The following DNAJC5 variants were observed in gnomAD, a reference collection of about 807,000 sequenced individuals.
The protein encoded by DNAJC5 is dnaJ homolog subfamily C member 5.
Under a neutral mutation model 23.2 loss-of-function variants are expected in DNAJC5, and 1 was observed. That is an observed-to-expected ratio of 0.04 (90% CI 0.02 to 0.20). The LOEUF (loss-of-function observed/expected upper bound fraction) is 0.20, where lower values mean the gene tolerates loss of function less well. Ranked by LOEUF, DNAJC5 falls within the 10% of genes least tolerant of loss-of-function variation. The probability of loss-of-function intolerance (pLI) is 1.00; values close to 1 mark genes in which losing one functional copy is unlikely to be tolerated. For missense variants in DNAJC5, 180 were observed against 267.0 expected (o/e 0.67, Z 2.27); for synonymous variants, 136 against 120.0 (o/e 1.13, Z -0.87).
rs1324656149 is a variant in DNAJC5, at chr20:63,895,146, C to CTCCGCTGCCGCT, written c.-188_-177dup. ...CGGGTGCGTGCGTGAGCGTGCTCGT[C>CTCCGCTGCCGCT]TCCGCTGCCGCTGCCGCTGCCGCTG... On this transcript the variant is annotated 5_prime_UTR_variant, in exon 1 of 5. Transcript: ENST00000360864. 1 of 152,634 alleles carries CTCCGCTGCCGCT rather than the reference C, an allele frequency of 6.6e-6. No homozygotes were observed. Among genetic ancestry groups the CTCCGCTGCCGCT allele is most frequent in the Non-Finnish European group, 1.4e-5 (1 of 69,026 alleles). 9.5% of individuals were successfully genotyped at this position (152,634 alleles called of 1,614,324 possible). A position where few individuals can be genotyped will look rare whatever the true frequency, so the allele number is the denominator to read the frequency against.
intron 1 of DNAJC5, among the ~76,000 whole-genome samples, chr20:63,897,165 CGGACGGATCA>C (rs2053380954): frequency 6.6e-6 from 1 of 152,126 alleles, no homozygotes; most frequent in South Asian, 2.1e-4. Context: ...GAGGCTGAGG[CGGACGGATCA>C]CTTGGAGTCA....
At chr20:63,900,463 AGCTACTCGGAGGCTGAGG>A in intron 1 of DNAJC5, among the ~76,000 whole-genome samples, 1 of 151,280 alleles carries the variant, frequency 6.6e-6, no homozygotes, top group Admixed American at 6.6e-5. Flanking sequence ...CTGTAGTCCC[AGCTACTCGGAGGCTGAGG>A]TGGTAGGATC....
Position 63,918,182 on chromosome 20 carries a change from C to T in DNAJC5, c.-11-10153C>T, listed in dbSNP as rs147968118. 4.8e-4 allele frequency among the ~76,000 whole-genome samples: 73 copies of T among 152,284 alleles called. 2 individuals are homozygous for T. The East Asian group carries it at 0.013, about 28-fold the overall frequency. On this transcript the variant is annotated intron_variant, in intron 1 of 4. Transcript: ENST00000360864. ...ACTGGAGATGAATGAATTGTAGCTA[C>T]AATCTGCAGTGTAGACGAATCTTAG...
rs2053676965 is a variant in DNAJC5 at position 63,931,994 on chromosome 20, G to T, written c.*426G>T. The T allele has an allele frequency of 9.0e-6, 3 of 335,146 alleles. No homozygotes were observed. The highest frequency in any genetic ancestry group is 1.2e-5 in the Non-Finnish European group (2 of 171,408). The allele number at this position is 335,146 out of a possible 1,614,324, so 20.8% of individuals were successfully genotyped here. ...GCTTGAGGGGCCGGAGGCAGGTGCT[G>T]CCTGGCAGAGCTGTGTTACCGTCTT... On this transcript the variant is annotated 3_prime_UTR_variant, in exon 5 of 5. Coordinates refer to ENST00000360864, the MANE Select transcript of DNAJC5 (RefSeq NM_025219.3). The surrounding 1 kb of genome is among the most constrained non-coding windows in gnomAD (Gnocchi z 9.6).
rs1568989430 is a variant in DNAJC5 at position 63,929,556 on chromosome 20, C to T, written c.321+31C>T. 1 of 1,609,354 alleles carries T rather than the reference C, an allele frequency of 6.2e-7. No individual in the cohort carries two copies. The highest frequency in any genetic ancestry group is 2.2e-5 in the East Asian group (1 of 44,788). On this transcript the variant is annotated intron_variant, in intron 3 of 4. Transcript: ENST00000360864. This position sits in a 1 kb window ranked among gnomAD's most constrained non-coding sequence, Gnocchi z 8.6. Reference sequence around the variant, plus strand: ...GGCGAGCTGCCTGCCGTGCGGGCACCCGAGTCACTCCTGCCGTGCGGGCAC... The same window carrying T: ...GGCGAGCTGCCTGCCGTGCGGGCACTCGAGTCACTCCTGCCGTGCGGGCAC...
At chr20:63,930,298 C>T (rs1200641744) in intron 3 of DNAJC5, among the ~76,000 whole-genome samples, 1 of 151,678 alleles carries the variant, frequency 6.6e-6, no homozygotes, top group African/African-American at 2.4e-5. Flanking sequence ...CCCACTTCAG[C>T]TCCAGAACTG....
chr20:63,902,999 G>A (rs1184930072), intron 1 of DNAJC5, among the ~76,000 whole-genome samples: 1 of 151,372 alleles, frequency 6.6e-6, no homozygotes, highest in Non-Finnish European at 1.5e-5. Context: ...TTTTACAACA[G>A]GGTGTCACTC....
In DNAJC5 at chr20:63,931,113, G is replaced by A. The variant is rs1363521439; in HGVS notation, c.493+91G>A. 1 of 1,364,720 alleles carries A rather than the reference G, an allele frequency of 7.3e-7. No homozygotes were observed. Among genetic ancestry groups the A allele is most frequent in the East Asian group, 2.4e-5 (1 of 42,532 alleles). 84.5% of individuals were successfully genotyped at this position (1,364,720 alleles called of 1,614,324 possible). On this transcript the variant is annotated intron_variant, in intron 4 of 4. Transcript: ENST00000360864. This position sits in a 1 kb window ranked among gnomAD's most constrained non-coding sequence, Gnocchi z 9.6. ...TCAACCTGTCTTGTCAAACAGGAGG[G>A]CACTGACACTGTGCCGCGAGTGTTT...
At chr20:63,897,721 C>T (rs2053384422) in intron 1 of DNAJC5, among the ~76,000 whole-genome samples, 1 of 152,176 alleles carries the variant, frequency 6.6e-6, no homozygotes, top group Non-Finnish European at 1.5e-5. Flanking sequence ...AATGATCTCC[C>T]TGGCTCTTAA....
At chr20:63,910,832 C>G in intron 1 of DNAJC5, among the ~76,000 whole-genome samples, 1 of 151,778 alleles carries the variant, frequency 6.6e-6, no homozygotes, top group Admixed American at 6.6e-5. Flanking sequence ...GCCACCACAC[C>G]CGGCTAATTT....
At chr20:63,913,489 T>C (rs2053496706) in intron 1 of DNAJC5, among the ~76,000 whole-genome samples, 1 of 151,940 alleles carries the variant, frequency 6.6e-6, no homozygotes, top group Admixed American at 6.6e-5. Context: ...CTCTGCCTCC[T>C]GGGTTCAAGT....
chr20:63,918,845 T>C (rs541113637), intron 1 of DNAJC5, among the ~76,000 whole-genome samples: 6 of 152,328 alleles, frequency 3.9e-5, no homozygotes, highest in East Asian at 1.9e-4. Flanking sequence ...CCGCCCGCCT[T>C]GGCCTCCCAA....
chr20:63,927,187 C>T (rs1271392014), intron 1 of DNAJC5, among the ~76,000 whole-genome samples: 3 of 151,020 alleles, frequency 2.0e-5, no homozygotes, highest in Non-Finnish European at 3.0e-5. Flanking sequence ...GTGACTGTCA[C>T]GTCATGGTGG....
chr20:63,898,827 C>G (rs150314050), intron 1 of DNAJC5, among the ~76,000 whole-genome samples: 145 of 152,238 alleles, frequency 9.5e-4, no homozygotes, highest in African/African-American at 3.3e-3. Flanking sequence ...GGCGACAGAG[C>G]GAGACTCCCT....
At chr20:63,930,204 A>C (rs1236770286) in intron 3 of DNAJC5, among the ~76,000 whole-genome samples, 1 of 152,166 alleles carries the variant, frequency 6.6e-6, no homozygotes, top group Non-Finnish European at 1.5e-5. Flanking sequence ...TGTTAGACAG[A>C]GTCTCGCTCT....
chr20:63,909,956 A>G (rs1204435655), intron 1 of DNAJC5, among the ~76,000 whole-genome samples: 1 of 152,298 alleles, frequency 6.6e-6, no homozygotes, highest in Non-Finnish European at 1.5e-5. Context: ...TGTCTTTCAT[A>G]TTTGGGACTG....
At chr20:63,909,659 C>T (rs1297867936) in intron 1 of DNAJC5, among the ~76,000 whole-genome samples, 2 of 152,160 alleles carry the variant, frequency 1.3e-5, no homozygotes, top group African/African-American at 4.8e-5. Context: ...CCAGCCTGGG[C>T]GACAGAGCAA....
At position 63,931,336 on chromosome 20, in the gene DNAJC5, T is replaced by G; in HGVS notation, c.494-129T>G. On this transcript the variant is annotated intron_variant, in intron 4 of 4. Transcript: ENST00000360864. The surrounding 1 kb of genome is among the most constrained non-coding windows in gnomAD (Gnocchi z 9.6). ...GGCGACGGAGGAAAGCCGTGTGGGG[T>G]GGAGGTCAGCGAGTAGCCTCTCCCG... The G allele has an allele frequency of 1.0e-6, 1 of 952,418 alleles. No individual in the cohort carries two copies. Among genetic ancestry groups the G allele is most frequent in the Non-Finnish European group, 1.6e-6 (1 of 618,276 alleles). 59.0% of individuals were successfully genotyped at this position (952,418 alleles called of 1,614,324 possible). A position where few individuals can be genotyped will look rare whatever the true frequency, so the allele number is the denominator to read the frequency against.
intron 1 of DNAJC5, among the ~76,000 whole-genome samples, chr20:63,906,125 AT>A (rs1274369373): frequency 6.6e-6 from 1 of 152,234 alleles, no homozygotes; most frequent in East Asian, 1.9e-4. Flanking sequence ...ATTAATTAAA[AT>A]ATAGCCAATA....
Sources: allele counts gnomAD v4.1 joint callset (sites outside exome capture counted in the v4.1 genomes callset), GRCh38; gene constraint gnomAD v4.1.1; non-coding constraint Gnocchi (gnomAD v3.1); transcripts MANE v1.5; gene names NCBI Gene and HGNC (gene_info 2026-07-23, HGNC 2026-07-21).